GALC: variants seen among roughly 807,000 people sequenced by gnomAD.
The protein encoded by GALC is galactocerebrosidase.
GALC carries 77 observed loss-of-function variants against 91.8 expected under a neutral mutation model. The ratio of observed to expected loss-of-function variants is 0.84; its 90% CI spans 0.70 to 1.01. The LOEUF is 1.01. GALC is among the 50% of genes least tolerant of loss of function. The pLI is 0.00. For missense variants in GALC, 882 were observed against 855.9 expected (o/e 1.03, Z -0.38); for synonymous variants, 357 against 306.7 (o/e 1.16, Z -1.71).
In GALC at chr14:87,963,930, A is replaced by C. The variant is rs77777141; in HGVS notation, c.1034-419T>G. On this transcript the variant is annotated intron_variant, in intron 9 of 16. Transcript: ENST00000261304. ...ATTTATTTCCACCACATGTACATTTATTGGTCACCTCCTAAGCTCGTCCTG... is the reference window on the plus strand; with the variant it reads ...ATTTATTTCCACCACATGTACATTTCTTGGTCACCTCCTAAGCTCGTCCTG... 3.3e-5 allele frequency among the ~76,000 whole-genome samples: 5 copies of C among 152,124 alleles called. No individual in the cohort carries two copies. The East Asian group carries it at 9.6e-4, about 29-fold the overall frequency.
At chr14:87,993,278 C>T, upstream of GALC, 1 of 1,539,856 alleles carries the variant, frequency 6.5e-7, no homozygotes, top group Non-Finnish European at 8.7e-7. Context: ...GAGTGCGGGT[C>T]AAGGGCCTCT....
rs1458195345 is a variant in GALC at position 87,947,791 on chromosome 14, T to C, written c.1426A>G (p.Ser476Gly). 6.2e-7 allele frequency: 1 copy of C among 1,613,008 alleles called. No individual in the cohort carries two copies. The highest frequency in any genetic ancestry group is 8.5e-7 in the Non-Finnish European group (1 of 1,179,294). Residue 476 changes from serine (S) to glycine (G), a missense_variant, in exon 13 of 17, where the codon AGC becomes GGC. By Grantham distance (56) the Ser-to-Gly change is moderately conservative. Transcript: ENST00000261304. Reference sequence around the variant, plus strand: ...TGGGATTTTGGAGGAAGCGGGTAGCTGCCTTTGCGACCAGTGGTGAGAGTG... The same window carrying C: ...TGGGATTTTGGAGGAAGCGGGTAGCCGCCTTTGCGACCAGTGGTGAGAGTG... ...LTTLTTGRKGSYPLPPKSQPF... is the reference protein window; with the variant it reads ...LTTLTTGRKGGYPLPPKSQPF...
chr14:87,993,277 T>G, upstream of GALC: 4 of 1,539,886 alleles, frequency 2.6e-6, no homozygotes, highest in Non-Finnish European at 3.5e-6. Flanking sequence ...TGAGTGCGGG[T>G]CAAGGGCCTC....
intron 6 of GALC, chr14:87,976,698 T>A (rs530238514): frequency 4.3e-6 from 2 of 465,722 alleles, no homozygotes; most frequent in South Asian, 4.1e-5. Context: ...CACTGCAACC[T>A]CTGCCTCCAG....
chr14:87,991,250 T>C (rs922797029), intron 1 of GALC, among the ~76,000 whole-genome samples: 1 of 152,210 alleles, frequency 6.6e-6, no homozygotes, highest in Non-Finnish European at 1.5e-5. Flanking sequence ...TCGCCCAGGC[T>C]GGAGTGCAGT....
At chr14:87,982,013 G>T (rs1886770620) in intron 6 of GALC, among the ~76,000 whole-genome samples, 192 bp downstream of exon 6, 1 of 152,036 alleles carries the variant, frequency 6.6e-6, no homozygotes, top group African/African-American at 2.4e-5. Flanking sequence ...AATTACATAT[G>T]CTTTAATATC....
intron 12 of GALC, among the ~76,000 whole-genome samples, chr14:87,949,072 T>C (rs1397596847): frequency 4.6e-5 from 7 of 151,946 alleles, no homozygotes; most frequent in Non-Finnish European, 8.8e-5. Flanking sequence ...GGTAAGCACA[T>C]GGCCCTAGGT....
intron 9 of GALC, among the ~76,000 whole-genome samples, chr14:87,964,454 A>G (rs1885944944): frequency 6.6e-6 from 1 of 152,188 alleles, no homozygotes; most frequent in African/African-American, 2.4e-5. Flanking sequence ...ATAAATGTTT[A>G]TAATCTTTTA....
intron 14 of GALC, 85 bp from the exon 15 acceptor site, chr14:87,941,643 T>TC: frequency 1.1e-6 from 1 of 951,258 alleles, no homozygotes; most frequent in Non-Finnish European, 1.7e-6. Flanking sequence ...AGCACATGCT[T>TC]CCAAACTTCT....
At chr14:87,945,415 C>A in intron 14 of GALC, 138 bp downstream of exon 14, 8 of 725,656 alleles carry the variant, frequency 1.1e-5, no homozygotes, top group Non-Finnish European at 1.9e-5. Flanking sequence ...TACTATTCAA[C>A]AACCCTTAAT....
chr14:87,937,139 G>T (rs1358918318), intron 16 of GALC, among the ~76,000 whole-genome samples: 1 of 151,558 alleles, frequency 6.6e-6, no homozygotes, highest in Non-Finnish European at 1.5e-5. Flanking sequence ...CACATTAGCT[G>T]TAATTTGGAA....
intron 10 of GALC, among the ~76,000 whole-genome samples, chr14:87,956,344 G>C (rs1351600404): frequency 6.6e-6 from 1 of 151,842 alleles, no homozygotes; most frequent in Non-Finnish European, 1.5e-5. Flanking sequence ...ACAACAACAA[G>C]CCTCAAGGGG....
In GALC at chr14:87,991,669, TAGTG is replaced by T. The variant is rs1887207082; in HGVS notation, c.195+1297_195+1300del. Among the ~76,000 whole-genome samples the T allele has an allele frequency of 2.0e-5, 3 of 152,360 alleles. No individual in the cohort carries two copies. The South Asian group carries it at 6.2e-4, about 32-fold the overall frequency. Reference sequence around the variant, plus strand: ...TAATGTTGCAAGAATTTTCATTATTTAGTGAGTTCCTATGAGGAGTAATGAACTA... The same window carrying T: ...TAATGTTGCAAGAATTTTCATTATTTAGTTCCTATGAGGAGTAATGAACTA... On this transcript the variant is annotated intron_variant, in intron 1 of 16. Transcript: ENST00000261304.
intron 10 of GALC, among the ~76,000 whole-genome samples, chr14:87,956,637 T>C (rs1004326478): frequency 1.3e-5 from 2 of 149,218 alleles, no homozygotes; most frequent in African/African-American, 5.1e-5. Context: ...ATATATGGTA[T>C]ATATATATTT....
At position 87,965,494 on chromosome 14, in the gene GALC, C is replaced by T; in HGVS notation, c.1033+11G>A. 2 of 1,613,226 alleles carry T rather than the reference C, an allele frequency of 1.2e-6. No homozygotes were observed. Among genetic ancestry groups the T allele is most frequent in the Admixed American group, 1.7e-5 (1 of 59,952 alleles). ...AGAATTTAGGGAGTGAGAGATGGAA[C>T]TGAACCATACCTGATACCCAGACAG... On this transcript the variant is annotated intron_variant, in intron 9 of 16. Transcript: ENST00000261304.
At chr14:87,957,549 TG>T (rs1885608318) in intron 10 of GALC, among the ~76,000 whole-genome samples, 1 of 152,190 alleles carries the variant, frequency 6.6e-6, no homozygotes, top group South Asian at 2.1e-4. Flanking sequence ...TTGAATGCTT[TG>T]TCAAAGATCA....
chr14:87,954,566 G>A (rs900156525), intron 10 of GALC: 79 of 1,565,084 alleles, frequency 5.0e-5, no homozygotes, highest in Admixed American at 5.5e-5. Context: ...TGATGTAAGG[G>A]CAATTACATT....
rs572312787 is a variant in GALC at position 87,990,161 on chromosome 14, G to C, written c.196-1638C>G. Among the ~76,000 whole-genome samples, 3 of 152,196 alleles carry C rather than the reference G, an allele frequency of 2.0e-5. No homozygotes were observed. The East Asian group carries it at 5.8e-4, about 29-fold the overall frequency. ...AACCCCGGCACTCCTTTATTTTTCT[G>C]ACTCACCTCTTAGTTCCTTAAGGAC... On this transcript the variant is annotated intron_variant, in intron 1 of 16. Transcript: ENST00000261304.
Position 87,945,688 on chromosome 14 carries a change from C to T in GALC, c.1535G>A (p.Gly512Asp), listed in dbSNP as rs760730368. Residue 512 changes from glycine to aspartate, a missense_variant, in exon 14 of 17, where the codon GGT (glycine) becomes GAT (aspartate). Gly to Asp is a moderately conservative substitution (Grantham distance 94). Transcript: ENST00000261304. ...SEAPNFADQTGVFEYFTNIED... is the reference protein window; with the variant it reads ...SEAPNFADQTDVFEYFTNIED... ...AATATTTGTAAAATATTCAAATACA[C>T]CAGTTTGATCAGCAAAGTTTGGAGC... The T allele has an allele frequency of 1.9e-6, 3 of 1,612,000 alleles. No individual in the cohort carries two copies. The highest frequency in any genetic ancestry group is 2.5e-6 in the Non-Finnish European group (3 of 1,178,666).
Sources: allele counts gnomAD v4.1 joint callset (sites outside exome capture counted in the v4.1 genomes callset), GRCh38; gene constraint gnomAD v4.1.1; transcripts MANE v1.5; gene names NCBI Gene and HGNC (gene_info 2026-07-23, HGNC 2026-07-21).